USP34: variants seen among roughly 807,000 people sequenced by gnomAD.
The protein encoded by USP34 is ubiquitin carboxyl-terminal hydrolase 34.
A neutral mutation model predicts 460.3 loss-of-function variants in USP34; 70 were observed. That is an observed-to-expected ratio of 0.15 (90% CI 0.13 to 0.19). The LOEUF (loss-of-function observed/expected upper bound fraction) is 0.19. USP34 is among the 10% of genes least tolerant of loss of function. The pLI, the probability that USP34 is intolerant of heterozygous loss-of-function variation, is 1.00. For missense variants in USP34, 3,985 were observed against 4,236.2 expected, an observed-to-expected ratio of 0.94 and a Z score of 1.65; for synonymous variants, 1,647 against 1,405.3, an observed-to-expected ratio of 1.17 and a Z score of -3.85.
chr2:61,344,495 T>C (rs993302198), intron 15 of USP34, among the ~76,000 whole-genome samples: 1 of 152,126 alleles, frequency 6.6e-6, no homozygotes, highest in African/African-American at 2.4e-5. Context: ...CTAAAACACA[T>C]TGTTACCGGA....
chr2:61,320,033 T>TA (rs906344799), intron 21 of USP34, among the ~76,000 whole-genome samples: 2 of 152,126 alleles, frequency 1.3e-5, no homozygotes, highest in African/African-American at 4.8e-5. Flanking sequence ...GGTTACAAAT[T>TA]AAACACACTA....
intron 10 of USP34, among the ~76,000 whole-genome samples, chr2:61,367,187 A>T (rs1002515363): frequency 6.6e-6 from 1 of 152,256 alleles, no homozygotes; most frequent in Non-Finnish European, 1.5e-5. Flanking sequence ...AACGTAACAT[A>T]GAAAGGGCTA....
At chr2:61,282,648 G>C (rs6749226) in intron 37 of USP34, among the ~76,000 whole-genome samples, 1 of 151,754 alleles carries the variant, frequency 6.6e-6, no homozygotes, top group East Asian at 1.9e-4. Flanking sequence ...AAACTAGCTG[G>C]GCATGGTGAT....
At chr2:61,378,490 T>C in intron 7 of USP34, 66 bp from the exon 8 acceptor site, 2 of 1,003,380 alleles carry the variant, frequency 2.0e-6, no homozygotes, top group Non-Finnish European at 1.5e-6. Flanking sequence ...TGTCAGCAAA[T>C]ACTAACATGG....
intron 22 of USP34, among the ~76,000 whole-genome samples, chr2:61,318,838 C>T (rs1194614471): frequency 6.6e-6 from 1 of 152,004 alleles, no homozygotes; most frequent in African/African-American, 2.4e-5. Flanking sequence ...GGTGTGGGCA[C>T]CACCCCTGAA....
chr2:61,382,990 C>T (rs1005125724), intron 6 of USP34, among the ~76,000 whole-genome samples: 4 of 152,122 alleles, frequency 2.6e-5, no homozygotes, highest in Admixed American at 6.6e-5. Flanking sequence ...CAGACACTTA[C>T]TGTGTATTTG....
intron 10 of USP34, 145 bp downstream of exon 10, chr2:61,370,176 G>T: frequency 1.4e-6 from 1 of 727,516 alleles, no homozygotes; most frequent in Non-Finnish European, 2.3e-6. Flanking sequence ...GTAAGACATG[G>T]ACTCGGAAGC....
chr2:61,188,643 CTGTCTACAG>C lies in USP34; in HGVS notation c.10091_10099del (p.Thr3364_Asp3366del). On this transcript the variant is annotated inframe_deletion, in exon 80 of 80. Coordinates refer to ENST00000398571, the MANE Select transcript of USP34 (RefSeq NM_014709.4). ...TTCTGTTTTCATGTCACTGATGCAG[CTGTCTACAG>C]TGTGCTCCTCATCACTGCTAACACG... The C allele has an allele frequency of 6.2e-7, 1 of 1,614,166 alleles. No individual in the cohort carries two copies. The highest frequency in any genetic ancestry group is 1.1e-5 in the South Asian group (1 of 91,082).
chr2:61,353,419 T>C lies in USP34; in HGVS notation c.1252-2726A>G, dbSNP rs568596798. 7.8e-4 allele frequency among the ~76,000 whole-genome samples: 116 copies of C among 149,018 alleles called. 1 individual carries two copies. The highest frequency in any genetic ancestry group is 2.6e-3 in the African/African-American group (104 of 40,464). The stretch of plus-strand genomic sequence containing the variant: ...GTTTTTTTTTTTTTTTTTGAGACAG[T>C]CTTGCTCTGTCACCCAGGCTGGAGT... On this transcript the variant is annotated intron_variant, in intron 10 of 79. Transcript: ENST00000398571.
Position 61,314,708 on chromosome 2 carries a change from C to A in USP34, c.3419G>T (p.Ser1140Ile), listed in dbSNP as rs199739219. The A allele has an allele frequency of 1.3e-6, 2 of 1,589,314 alleles. No individual in the cohort carries two copies. Among genetic ancestry groups the A allele is most frequent in the Non-Finnish European group, 1.7e-6 (2 of 1,171,940 alleles). The change falls in exon 25 of 80, where the codon AGT (serine) becomes ATT (isoleucine). Residue 1140 changes from serine (S) to isoleucine (I), a missense_variant. Coordinates refer to ENST00000398571, the MANE Select transcript of USP34 (RefSeq NM_014709.4). ...TATCATAAGACTCTCCATGCACTTACTAATAAATTCTTGCTCCTTCTCCAA... is the reference window on the plus strand; with the variant it reads ...TATCATAAGACTCTCCATGCACTTAATAATAAATTCTTGCTCCTTCTCCAA... ...TGLEKEQEFI[S>I]KCMESLMIAS...
chr2:61,295,246 G>T lies in USP34; in HGVS notation c.4299C>A (p.Ser1433Arg). Residue 1433 changes from serine to arginine, a missense_variant, in exon 31 of 80, where the codon AGC becomes AGA. This residue lies in a region of USP34 where 1,114 missense variants were observed against 1,122.5 expected (regional missense o/e 0.99). Coordinates refer to ENST00000398571, the MANE Select transcript of USP34 (RefSeq NM_014709.4). Reference sequence around the variant, plus strand: ...CCAGAGCATACAATAGCTTGTGGGCGCTCTTAATTTTGAGAAGTTCTTTCC... The same window carrying T: ...CCAGAGCATACAATAGCTTGTGGGCTCTCTTAATTTTGAGAAGTTCTTTCC... The part of the protein sequence containing the change: ...FNWKELLKIK[S>R]AHKLLYALEI... 6.2e-7 allele frequency: 1 copy of T among 1,606,832 alleles called. No homozygotes were observed. The highest frequency in any genetic ancestry group is 8.5e-7 in the Non-Finnish European group (1 of 1,177,166).
intron 1 of USP34, among the ~76,000 whole-genome samples, chr2:61,422,529 G>A (rs1694392752): frequency 1.3e-5 from 2 of 152,170 alleles, no homozygotes; most frequent in South Asian, 2.1e-4. Context: ...ATACTCAAAG[G>A]TGAAAGCCCA....
At chr2:61,216,732 A>G (rs1687407442) in intron 67 of USP34, among the ~76,000 whole-genome samples, 1 of 152,084 alleles carries the variant, frequency 6.6e-6, no homozygotes, top group South Asian at 2.1e-4. Flanking sequence ...CAGCCTGGCC[A>G]ACATGGTGAA....
intron 69 of USP34, among the ~76,000 whole-genome samples, chr2:61,211,233 G>A (rs1687265727): frequency 6.6e-6 from 1 of 152,078 alleles, no homozygotes; most frequent in Non-Finnish European, 1.5e-5. Context: ...ATACATAGAA[G>A]AATTTAAGAA....
intron 8 of USP34, among the ~76,000 whole-genome samples, chr2:61,377,130 C>T (rs1692821867): frequency 1.3e-5 from 2 of 152,184 alleles, no homozygotes; most frequent in African/African-American, 2.4e-5. Context: ...ATCCAAAAAC[C>T]ATACCACATA....
In USP34 at chr2:61,370,585, G is replaced by C; in HGVS notation, c.1077-6C>G. 6.2e-7 allele frequency: 1 copy of C among 1,611,860 alleles called. No homozygotes were observed. Among genetic ancestry groups the C allele is most frequent in the South Asian group, 1.1e-5 (1 of 90,348 alleles). On this transcript the variant is annotated splice_region_variant and splice_polypyrimidine_tract_variant and intron_variant, in intron 8 of 79. Transcript: ENST00000398571. ...CAAGTTCTTTTGCAATGGACCTAAA[G>C]TCAAGCAATGAAAATAGTACATTAA... is the stretch of plus-strand genomic sequence containing the variant.
In USP34 at chr2:61,266,041, C is replaced by A. The variant is rs765414591; in HGVS notation, c.5560G>T (p.Gly1854Trp). 4.3e-6 allele frequency: 7 copies of A among 1,613,874 alleles called. No individual in the cohort carries two copies. The South Asian group carries it at 6.6e-5, about 15-fold the overall frequency. ...ATTAGCCTGTAGTTCTCAACAGACC[C>A]CTTTACCATCTCTACTAACAAATCG... ...AYDLLVEMVK[G>W]SVENYRLIHN... Residue 1854 changes from glycine to tryptophan, a missense_variant, in exon 42 of 80, where the codon GGG (glycine) becomes TGG (tryptophan). Physicochemically the swap from Gly to Trp is radical, Grantham distance 184. This residue lies in a region of USP34 where 1,114 missense variants were observed against 1,122.5 expected (regional missense o/e 0.99). Transcript: ENST00000398571.
In USP34 at chr2:61,386,936, CAACA is replaced by C. The variant is rs1180032028; in HGVS notation, c.754-3604_754-3601del. Among the ~76,000 whole-genome samples, 7 of 152,100 alleles carry C rather than the reference CAACA, an allele frequency of 4.6e-5. No individual in the cohort carries two copies. In the East Asian group the frequency reaches 1.2e-3, roughly 25 times the overall value. On this transcript the variant is annotated intron_variant, in intron 5 of 79. Transcript: ENST00000398571. ...CTTGATGAATAATATTTCTTCAACA[CAACA>C]GTGAAAAGCAACACGAGAGTGGAAG...
chr2:61,370,230 A>T (rs940054804), intron 10 of USP34, 91 bp downstream of exon 10: 1 of 1,351,608 alleles, frequency 7.4e-7, no homozygotes, highest in Non-Finnish European at 1.0e-6. Flanking sequence ...CTCCTTAGCT[A>T]TAAAACAGGA....
Sources: gnomAD v4.1 joint callset for allele counts (sites outside exome capture counted in the v4.1 genomes callset) on GRCh38, gnomAD v4.1.1 for gene constraint, gnomAD v4.1.1 regional missense constraint, MANE v1.5 for transcripts, NCBI Gene and HGNC (gene_info 2026-07-23, HGNC 2026-07-21) for gene names.